The following RAF1 variants were observed in gnomAD, a reference collection of about 807,000 sequenced individuals.
RAF1 encodes the protein Raf-1 proto-oncogene, serine/threonine kinase.
Under a neutral mutation model 81.1 loss-of-function variants are expected in RAF1, and 27 were observed. The ratio of observed to expected loss-of-function variants is 0.33; its 90% CI spans 0.25 to 0.46. RAF1 has a LOEUF of 0.46. RAF1 is among the 20% of genes least tolerant of loss of function. RAF1 has a pLI of 1.00. For synonymous variants in RAF1, 298 were observed against 294.0 expected, an observed-to-expected ratio of 1.01 and a Z score of -0.14; for missense variants, 598 against 826.0, an observed-to-expected ratio of 0.72 and a Z score of 3.38.
chr3:12,584,758 T>TAA, intron 17 of RAF1, 89 bp downstream of exon 16: 3 of 1,613,074 alleles, frequency 1.9e-6, no homozygotes, highest in Middle Eastern at 1.7e-4. Flanking sequence ...CCCCTCCCTA[T>TAA]AAAACAAAAC....
chr3:12,600,084 T>C (rs1331231568), intron 10 of RAF1, 68 bp downstream of exon 9: 49 of 1,597,072 alleles, frequency 3.1e-5, no homozygotes, highest in Non-Finnish European at 4.1e-5. Context: ...AGTTTAAGTA[T>C]TCTAATTTCC....
intron 1 of RAF1, among the ~76,000 whole-genome samples, chr3:12,627,662 T>G (rs779867748): frequency 6.6e-6 from 1 of 152,200 alleles, no homozygotes; most frequent in Admixed American, 6.5e-5. Flanking sequence ...CAAAAAAAAA[T>G]TGCCTTTTAT....
chr3:12,618,779 G>A (rs979952461), intron 1 of RAF1, 32 bp from the exon 2 acceptor site: 1 of 1,545,426 alleles, frequency 6.5e-7, no homozygotes, highest in South Asian at 1.1e-5. Flanking sequence ...TGTAACTCTA[G>A]AACAAAAGTA....
intron 5 of RAF1, among the ~76,000 whole-genome samples, chr3:12,607,704 G>C (rs1006288787): frequency 2.0e-5 from 3 of 151,844 alleles, no homozygotes; most frequent in Admixed American, 2.0e-4. Flanking sequence ...TGTAATCCCA[G>C]CACTTTGGGA....
chr3:12,641,025 A>G (rs528297602), intron 1 of RAF1, among the ~76,000 whole-genome samples: 27 of 152,256 alleles, frequency 1.8e-4, no homozygotes, highest in Middle Eastern at 3.4e-3. Flanking sequence ...ACGGAATACT[A>G]TGCAGCCATA....
At chr3:12,587,702 C>G in intron 13 of RAF1, 65 bp from the exon 13 acceptor site, 7 of 1,382,436 alleles carry the variant, frequency 5.1e-6, no homozygotes, top group Non-Finnish European at 7.2e-6. Context: ...CAGTTTTAAA[C>G]TACAGCTAAG....
intron 1 of RAF1, among the ~76,000 whole-genome samples, chr3:12,626,418 G>A (rs769372737): frequency 8.6e-5 from 13 of 151,470 alleles, no homozygotes; most frequent in Admixed American, 6.6e-5. Context: ...CCAAGACCCC[G>A]TCTGTACAAA....
intron 1 of RAF1, among the ~76,000 whole-genome samples, chr3:12,662,796 T>C (rs540357703): frequency 9.2e-5 from 14 of 152,160 alleles, no homozygotes; most frequent in African/African-American, 2.4e-4. Flanking sequence ...CAAGCAAAAC[T>C]AACTGTTCTA....
At chr3:12,587,964 T>C (rs1277738416) in intron 13 of RAF1, 3 of 11,748 alleles carry the variant, frequency 2.6e-4, no homozygotes, top group South Asian at 3.0e-3. Flanking sequence ...CATGCCGCCT[T>C]TTTTTTTTTT....
intron 1 of RAF1, among the ~76,000 whole-genome samples, chr3:12,636,148 T>C (rs1295372437): frequency 6.6e-6 from 1 of 151,378 alleles, no homozygotes; most frequent in African/African-American, 2.4e-5. Flanking sequence ...TAGCTGGGCA[T>C]TGTGGTGGGC....
chr3:12,632,710 T>A (rs1440695711), intron 1 of RAF1, among the ~76,000 whole-genome samples: 2 of 152,184 alleles, frequency 1.3e-5, no homozygotes, highest in African/African-American at 4.8e-5. Flanking sequence ...TTCTTGAAAC[T>A]CTCTAAAACT....
intron 14 of RAF1, chr3:12,587,322 T>G: frequency 1.9e-6 from 1 of 524,520 alleles, no homozygotes; most frequent in African/African-American, 1.9e-5. Context: ...ATTTCAAGCT[T>G]ACGGAAATCT....
At chr3:12,628,467 G>A (rs940268143) in intron 1 of RAF1, among the ~76,000 whole-genome samples, 2 of 152,062 alleles carry the variant, frequency 1.3e-5, no homozygotes, top group African/African-American at 2.4e-5. Context: ...TTCAATACCA[G>A]CCTGGACAAC....
intron 2 of RAF1, among the ~76,000 whole-genome samples, chr3:12,613,088 G>A (rs1034579172): frequency 6.6e-6 from 1 of 152,084 alleles, no homozygotes; most frequent in African/African-American, 2.4e-5. Context: ...AGCCTTAGTG[G>A]CACATACTTC....
intron 2 of RAF1, among the ~76,000 whole-genome samples, chr3:12,616,256 T>G (rs763230531): frequency 2.3e-4 from 35 of 152,212 alleles, no homozygotes; most frequent in Non-Finnish European, 3.8e-4. Context: ...TTAATCACTA[T>G]GCCAAATTAA....
chr3:12,618,399 A>T (rs1177125995), intron 2 of RAF1, 116 bp downstream of exon 2: 15 of 1,138,116 alleles, frequency 1.3e-5, no homozygotes, highest in Non-Finnish European at 1.5e-5. Flanking sequence ...AGAAAAAAAA[A>T]AATAAAGACC....
chr3:12,633,694 G>A (rs2059930387), intron 1 of RAF1, among the ~76,000 whole-genome samples: 1 of 151,528 alleles, frequency 6.6e-6, no homozygotes, highest in African/African-American at 2.4e-5. Context: ...CCAGCACTTT[G>A]GGAAGCCGAG....
intron 1 of RAF1, among the ~76,000 whole-genome samples, 172 bp downstream of exon 1, chr3:12,663,641 G>T (rs1235763782): frequency 9.4e-6 from 1 of 105,982 alleles, no homozygotes; most frequent in Non-Finnish European, 1.8e-5. Flanking sequence ...ACCGGACTCC[G>T]GGGCCCCCGC....
At position 12,622,337 on chromosome 3, in the gene RAF1, T is replaced by G. The variant is rs148362843; in HGVS notation, c.-26-3590A>C. 7.6e-3 allele frequency among the ~76,000 whole-genome samples: 1,151 copies of G among 152,290 alleles called. 7 individuals carry two copies. The highest frequency in any genetic ancestry group is 0.025 in the African/African-American group (1,055 of 41,570). ...AATCCATGTAACAGCCTGAACAGGC[T>G]TAAAATGCAACTCATTGTGTCACTC... On this transcript the variant is annotated intron_variant, in intron 1 of 17. Transcript: ENST00000442415.
Sources: allele counts gnomAD v4.1 joint callset (sites outside exome capture counted in the v4.1 genomes callset), GRCh38; gene constraint gnomAD v4.1.1; transcripts MANE v1.5; gene names NCBI Gene and HGNC (gene_info 2026-07-23, HGNC 2026-07-21).